RBKS: variants seen among roughly 807,000 people sequenced by gnomAD.
The protein encoded by RBKS is ribokinase.
Under a neutral mutation model 33.9 loss-of-function variants are expected in RBKS, and 33 were observed. The ratio of observed to expected loss-of-function variants is 0.97; its 90% confidence interval spans 0.74 to 1.30. The LOEUF (loss-of-function observed/expected upper bound fraction) is 1.30, where lower values mean the gene tolerates loss of function less well. Among genes scored for constraint, RBKS ranks in the 50% most tolerant of loss-of-function variants. The probability of loss-of-function intolerance (pLI) is 0.00; values close to 1 mark genes in which losing one functional copy is unlikely to be tolerated. For synonymous variants in RBKS, 125 were observed against 143.0 expected (o/e 0.87, Z 0.90); for missense variants, 361 against 392.6 (o/e 0.92, Z 0.68).
intron 1 of RBKS, chr2:27,861,665 G>A (rs183388360): frequency 1.2e-5 from 5 of 426,178 alleles, no homozygotes; most frequent in South Asian, 3.5e-5. Context: ...TTTCTTTTTG[G>A]GGGGGGGGTG....
intron 7 of RBKS, 47 bp from the exon 8 acceptor site, chr2:27,781,835 T>C (rs1677293202): frequency 6.8e-7 from 1 of 1,466,346 alleles, no homozygotes; most frequent in Non-Finnish European, 9.3e-7. Flanking sequence ...AGTCAATCTG[T>C]TGCCCAAACT....
chr2:27,793,729 A>G (rs920511348), intron 7 of RBKS, among the ~76,000 whole-genome samples: 2 of 152,166 alleles, frequency 1.3e-5, no homozygotes, highest in Admixed American at 1.3e-4. Flanking sequence ...TACATATAAG[A>G]TTATCTCCAT....
At chr2:27,860,166 G>T (rs1301666988) in intron 1 of RBKS, among the ~76,000 whole-genome samples, 4 of 152,024 alleles carry the variant, frequency 2.6e-5, no homozygotes, top group African/African-American at 7.3e-5. Flanking sequence ...CATCTAGAAG[G>T]TTCACTTCTG....
chr2:27,799,726 A>G (rs938517956), intron 7 of RBKS, among the ~76,000 whole-genome samples: 7 of 152,262 alleles, frequency 4.6e-5, no homozygotes, highest in African/African-American at 1.7e-4. Context: ...CAACAGGGTC[A>G]GCCTTGCTGG....
chr2:27,829,838 G>C (rs889175326), intron 6 of RBKS, among the ~76,000 whole-genome samples: 3 of 152,330 alleles, frequency 2.0e-5, no homozygotes, highest in Non-Finnish European at 4.4e-5. Flanking sequence ...CTGTGTCTCT[G>C]TCCTGCTAAC....
At chr2:27,886,300 G>C (rs1337454949) in intron 1 of RBKS, among the ~76,000 whole-genome samples, 1 of 152,182 alleles carries the variant, frequency 6.6e-6, no homozygotes, top group Non-Finnish European at 1.5e-5. Flanking sequence ...GTTGGGCTTG[G>C]ATGCCATCTA....
intron 5 of RBKS, among the ~76,000 whole-genome samples, chr2:27,834,346 G>C (rs543234349): frequency 1.3e-5 from 2 of 152,266 alleles, no homozygotes; most frequent in South Asian, 4.1e-4. Context: ...GAAATTCTAT[G>C]GTATATTTTT....
rs761546082 is a variant in RBKS, at chr2:27,781,590, A to G, written c.*25T>C. The G allele has an allele frequency of 1.9e-6, 3 of 1,574,252 alleles. No homozygotes were observed. The Admixed American group carries it at 5.4e-5, about 28-fold the overall frequency. On this transcript the variant is annotated 3_prime_UTR_variant, in exon 8 of 8. Coordinates refer to ENST00000302188, the MANE Select transcript of RBKS (RefSeq NM_022128.3). ...CCCCAAGTACATTTTATTCCCAGGT[A>G]TATTTATTTTGGGACTAATAGCAAT...
chr2:27,808,001 G>A (rs1298360610), intron 7 of RBKS, among the ~76,000 whole-genome samples: 1 of 152,174 alleles, frequency 6.6e-6, no homozygotes, highest in African/African-American at 2.4e-5. Flanking sequence ...CTAATTTACA[G>A]CAAATGCTGA....
chr2:27,852,906 G>A (rs1663779843), intron 2 of RBKS, among the ~76,000 whole-genome samples: 2 of 152,192 alleles, frequency 1.3e-5, no homozygotes, highest in Admixed American at 1.3e-4. Context: ...AGTTGCATTT[G>A]TTGTCATACA....
At chr2:27,793,181 A>G (rs1356192137) in intron 7 of RBKS, among the ~76,000 whole-genome samples, 1 of 152,228 alleles carries the variant, frequency 6.6e-6, no homozygotes, top group Non-Finnish European at 1.5e-5. Flanking sequence ...TCTTCCTTAC[A>G]GTAGAATGCC....
chr2:27,789,200 A>G (rs910204732), intron 7 of RBKS, among the ~76,000 whole-genome samples: 2 of 152,196 alleles, frequency 1.3e-5, no homozygotes, highest in Non-Finnish European at 2.9e-5. Flanking sequence ...CAACAAAGGT[A>G]TAGGTTGAGT....
chr2:27,847,662 A>G (rs1177079461), intron 3 of RBKS, among the ~76,000 whole-genome samples: 2 of 152,268 alleles, frequency 1.3e-5, no homozygotes, highest in African/African-American at 2.4e-5. Flanking sequence ...CAGAAATCAC[A>G]GAACATCTCT....
At chr2:27,801,736 C>T (rs1376558586) in intron 7 of RBKS, among the ~76,000 whole-genome samples, 2 of 151,612 alleles carry the variant, frequency 1.3e-5, no homozygotes, top group Middle Eastern at 6.3e-3. Flanking sequence ...TGCGTGGTTT[C>T]TGGGGAGGCC....
At chr2:27,852,279 G>A (rs946475859) in intron 2 of RBKS, among the ~76,000 whole-genome samples, 7 of 152,216 alleles carry the variant, frequency 4.6e-5, no homozygotes, top group African/African-American at 1.7e-4. Flanking sequence ...TACAGACTGT[G>A]TGACAGGAAT....
chr2:27,819,195 G>GC (rs1356675481), intron 7 of RBKS, among the ~76,000 whole-genome samples: 1 of 152,020 alleles, frequency 6.6e-6, no homozygotes, highest in Non-Finnish European at 1.5e-5. Context: ...CAAGGTACTG[G>GC]CAAAGTAGGT....
Position 27,791,797 on chromosome 2 carries a change from A to C in RBKS, c.796-10009T>G, listed in dbSNP as rs545277757. ...CTAGAAAAGGTAAAAATGTGGCAAC[A>C]GAAAGCAGGCCAGGGGCTGGGGAGT... On this transcript the variant is annotated intron_variant, in intron 7 of 7. Coordinates refer to ENST00000302188, the MANE Select transcript of RBKS (RefSeq NM_022128.3). Among the ~76,000 whole-genome samples, 3 of 152,272 alleles carry C rather than the reference A, an allele frequency of 2.0e-5. No individual in the cohort carries two copies. In the South Asian group the frequency reaches 6.2e-4, roughly 32 times the overall value.
chr2:27,791,562 G>A (rs1229840221), intron 7 of RBKS, among the ~76,000 whole-genome samples: 3 of 151,450 alleles, frequency 2.0e-5, no homozygotes, highest in Admixed American at 6.6e-5. Context: ...CTTGCAGATC[G>A]TGGGCCTTCA....
At chr2:27,794,451 T>C (rs900629224) in intron 7 of RBKS, among the ~76,000 whole-genome samples, 1 of 151,734 alleles carries the variant, frequency 6.6e-6, no homozygotes, top group African/African-American at 2.4e-5. Context: ...TTTCTCTCTT[T>C]CTTTTTAATT....
Sources: allele counts gnomAD v4.1 joint callset (sites outside exome capture counted in the v4.1 genomes callset), GRCh38; gene constraint gnomAD v4.1.1; transcripts MANE v1.5; gene names NCBI Gene and HGNC (gene_info 2026-07-23, HGNC 2026-07-21).